The following SYCP2 variants were observed in gnomAD, a reference collection of about 807,000 sequenced individuals.
The protein encoded by SYCP2 is synaptonemal complex lateral element protein.
In SYCP2, 55 loss-of-function variants were observed where a neutral mutation model predicts 211.3. That is an observed-to-expected ratio of 0.26 (90% CI 0.21 to 0.33). SYCP2 has a LOEUF of 0.33. SYCP2 is among the 10% of genes least tolerant of loss of function. The pLI, the probability that SYCP2 is intolerant of heterozygous loss-of-function variation, is 1.00. For missense variants in SYCP2, 1,731 were observed against 1,752.0 expected, an observed-to-expected ratio of 0.99 and a Z score of 0.21; for synonymous variants, 570 against 555.2, an observed-to-expected ratio of 1.03 and a Z score of -0.37.
chr20:59,912,023 A>T (rs1381819293), intron 13 of SYCP2, 178 bp from the exon 14 acceptor site: 2 of 436,576 alleles, frequency 4.6e-6, no homozygotes, highest in African/African-American at 2.0e-5. Context: ...TGCTACTTTA[A>T]TATTTTATAA....
chr20:59,904,320 G>A (rs1026963179), intron 15 of SYCP2, among the ~76,000 whole-genome samples: 40 of 152,158 alleles, frequency 2.6e-4, no homozygotes, highest in African/African-American at 9.4e-4. Context: ...TGAACGGCTC[G>A]AGAGCTGAGC....
At chr20:59,885,668 G>T (rs567303693) in intron 26 of SYCP2, among the ~76,000 whole-genome samples, 1 of 151,972 alleles carries the variant, frequency 6.6e-6, no homozygotes, top group Non-Finnish European at 1.5e-5. Flanking sequence ...GCGCACGCGC[G>T]ATAAGGATAT....
chr20:59,930,032 G>T (rs1231156005), intron 2 of SYCP2, among the ~76,000 whole-genome samples: 1 of 151,994 alleles, frequency 6.6e-6, no homozygotes, highest in Non-Finnish European at 1.5e-5. Flanking sequence ...TCTATATAGT[G>T]TAATCTCTTT....
Position 59,875,155 on chromosome 20 carries a change from A to C in SYCP2, c.3349+116T>G, listed in dbSNP as rs961655429. 2.2e-5 allele frequency: 14 copies of C among 634,762 alleles called. No individual in the cohort carries two copies. The African/African-American group carries it at 2.2e-4, about 10-fold the overall frequency. The allele number at this position is 634,762 out of a possible 1,614,324, so 39.3% of individuals were successfully genotyped here. A position where few individuals can be genotyped will look rare whatever the true frequency, so the allele number is the denominator to read the frequency against. On this transcript the variant is annotated intron_variant, in intron 34 of 44. Coordinates refer to ENST00000357552, the MANE Select transcript of SYCP2 (RefSeq NM_014258.4). ...TTAATTAGCTTAACAATGAAGTTTT[A>C]ACTACTATAATTATAAATACCCCTC... is the stretch of plus-strand genomic sequence containing the variant.
At chr20:59,882,574 T>C (rs866168116) in intron 26 of SYCP2, among the ~76,000 whole-genome samples, 5 of 152,144 alleles carry the variant, frequency 3.3e-5, no homozygotes, top group African/African-American at 1.2e-4. Context: ...AGTATGTGTA[T>C]ATACAACGAA....
intron 35 of SYCP2, among the ~76,000 whole-genome samples, chr20:59,872,966 G>A (rs2059483341): frequency 6.6e-6 from 1 of 151,968 alleles, no homozygotes; most frequent in African/African-American, 2.4e-5. Flanking sequence ...TAAATGGTAG[G>A]AATATAAAAA....
At chr20:59,922,361 ATACT>A (rs775838765) in intron 3 of SYCP2, 25 bp downstream of exon 3, 13 of 1,565,102 alleles carry the variant, frequency 8.3e-6, no homozygotes, top group African/African-American at 2.8e-5. Context: ...CAGAATGAAA[ATACT>A]TACTTTTGGT....
chr20:59,879,024 A>C (rs550854482), intron 31 of SYCP2, among the ~76,000 whole-genome samples: 1 of 152,230 alleles, frequency 6.6e-6, no homozygotes, highest in South Asian at 2.1e-4. Flanking sequence ...AATTTTATAA[A>C]TATTTAGTGA....
intron 2 of SYCP2, among the ~76,000 whole-genome samples, chr20:59,931,263 A>G (rs1355074478): frequency 1.3e-5 from 2 of 152,204 alleles, no homozygotes; most frequent in East Asian, 3.9e-4. Context: ...CTACAAAAAT[A>G]AAAGTTAGCC....
At chr20:59,930,820 A>AT (rs1399284534) in intron 2 of SYCP2, among the ~76,000 whole-genome samples, 1 of 152,128 alleles carries the variant, frequency 6.6e-6, no homozygotes, top group Admixed American at 6.5e-5. Context: ...ATATTTAAGA[A>AT]TTTTTTAAAG....
At chr20:59,904,246 TCATCCTCAGG>T (rs889219277) in intron 15 of SYCP2, among the ~76,000 whole-genome samples, 3 of 152,182 alleles carry the variant, frequency 2.0e-5, no homozygotes, top group African/African-American at 7.2e-5. Context: ...GATACAGGTA[TCATCCTCAGG>T]CATATACTCA....
chr20:59,915,064 T>A, intron 10 of SYCP2, 101 bp downstream of exon 10: 2 of 773,882 alleles, frequency 2.6e-6, no homozygotes, highest in South Asian at 3.5e-5. Flanking sequence ...TGTTTATAAT[T>A]CCCTCAGTCT....
chr20:59,890,196 C>T (rs558479890), intron 24 of SYCP2, among the ~76,000 whole-genome samples: 1 of 152,278 alleles, frequency 6.6e-6, no homozygotes, highest in South Asian at 2.1e-4. Flanking sequence ...TGGCATTATA[C>T]ACCATGGAAT....
chr20:59,902,790 AC>A (rs1854495253), intron 15 of SYCP2, among the ~76,000 whole-genome samples: 1 of 152,194 alleles, frequency 6.6e-6, no homozygotes, highest in Non-Finnish European at 1.5e-5. Flanking sequence ...GAAAGTGGTA[AC>A]CATAGTTTCA....
chr20:59,912,318 TTGAC>T lies in SYCP2; in HGVS notation c.876+51_876+54del, dbSNP rs570049175. ...TATTCATTTTTAACTCATAATTCACTTGACTATCAAAATTCATGCAATAACTAAA... is the reference window on the plus strand; with the variant it reads ...TATTCATTTTTAACTCATAATTCACTTATCAAAATTCATGCAATAACTAAA... On this transcript the variant is annotated intron_variant, in intron 13 of 44. Transcript: ENST00000357552. 1.5e-4 allele frequency: 109 copies of T among 712,624 alleles called. No individual in the cohort carries two copies. In the African/African-American group the frequency reaches 1.9e-3, roughly 12 times the overall value. 44.1% of individuals were successfully genotyped at this position (712,624 alleles called of 1,614,324 possible).
intron 2 of SYCP2, among the ~76,000 whole-genome samples, chr20:59,926,966 G>A (rs1309434947): frequency 1.3e-5 from 2 of 152,112 alleles, no homozygotes; most frequent in African/African-American, 4.8e-5. Flanking sequence ...CTGGATAACT[G>A]ACAGAGACTG....
intron 14 of SYCP2, among the ~76,000 whole-genome samples, chr20:59,907,638 T>A (rs1028869118): frequency 6.6e-6 from 1 of 152,230 alleles, no homozygotes; most frequent in Admixed American, 6.5e-5. Flanking sequence ...AATGATGATT[T>A]TGACAATTTT....
At chr20:59,916,219 A>G (rs1418188758) in intron 8 of SYCP2, among the ~76,000 whole-genome samples, 1 of 152,188 alleles carries the variant, frequency 6.6e-6, no homozygotes, top group Non-Finnish European at 1.5e-5. Context: ...ATACTAATAC[A>G]GATTATTTTT....
intron 2 of SYCP2, among the ~76,000 whole-genome samples, chr20:59,925,655 C>T (rs911024468): frequency 4.6e-5 from 7 of 152,014 alleles, no homozygotes; most frequent in African/African-American, 1.7e-4. Flanking sequence ...ATAACTCTGA[C>T]CAGTTGCCTC....
Sources: allele counts gnomAD v4.1 joint callset (sites outside exome capture counted in the v4.1 genomes callset), GRCh38; gene constraint gnomAD v4.1.1; transcripts MANE v1.5; gene names NCBI Gene and HGNC (gene_info 2026-07-23, HGNC 2026-07-21).